Variants in RALGDS observed in about 807,000 individuals in gnomAD.
RALGDS encodes ral guanine nucleotide dissociation stimulator, also known as ral guanine nucleotide exchange factor.
RALGDS carries 44 observed loss-of-function variants against 99.8 expected under a neutral mutation model. That is an observed-to-expected ratio of 0.44 (90% confidence interval 0.35 to 0.57). The LOEUF is 0.57. Ranked by LOEUF, RALGDS falls within the 20% of genes least tolerant of loss-of-function variation. RALGDS has a pLI of 0.01. For synonymous variants in RALGDS, 529 were observed against 505.0 expected (o/e 1.05, Z -0.64); for missense variants, 1,022 against 1,203.1 (o/e 0.85, Z 2.23).
rs1353733632 is a variant in RALGDS, at chr9:133,121,207, G to GGCGCGGCCC, written c.-62_-54dup. 3.2e-5 allele frequency: 32 copies of GGCGCGGCCC among 986,562 alleles called. No homozygotes were observed. In the South Asian group the frequency reaches 3.7e-4, roughly 11 times the overall value. 61.1% of individuals were successfully genotyped at this position (986,562 alleles called of 1,614,324 possible). On this transcript the variant is annotated 5_prime_UTR_variant, in exon 1 of 18. Coordinates refer to ENST00000372050, the MANE Select transcript of RALGDS (RefSeq NM_006266.4). ...CGGCCCGGCGCGCGGCGGGGGCGGC[G>GGCGCGGCCC]GCGCGGCCCGCGCGGCTGGGCTTTG...
chr9:133,113,645 C>T (rs1354924366), intron 1 of RALGDS, among the ~76,000 whole-genome samples: 1 of 152,220 alleles, frequency 6.6e-6, no homozygotes, highest in Non-Finnish European at 1.5e-5. Context: ...CTGACTCACA[C>T]ATCTCTCCCC....
intron 1 of RALGDS, among the ~76,000 whole-genome samples, chr9:133,130,276 C>T (rs916341505): frequency 2.6e-5 from 4 of 152,134 alleles, no homozygotes; most frequent in Admixed American, 2.6e-4. Flanking sequence ...AGCCACTTGG[C>T]TAATTTTTTT....
intron 1 of RALGDS, among the ~76,000 whole-genome samples, chr9:133,126,782 G>A (rs1175910204): frequency 6.6e-6 from 1 of 152,254 alleles, no homozygotes; most frequent in African/African-American, 2.4e-5. Flanking sequence ...GAGGGACAGC[G>A]GGAGAGGGAG....
intron 1 of RALGDS, among the ~76,000 whole-genome samples, chr9:133,146,146 T>A (rs1363423479): frequency 6.6e-6 from 1 of 152,162 alleles, no homozygotes; most frequent in South Asian, 2.1e-4. Flanking sequence ...CATCTTCCAA[T>A]GGGAACACCT....
intron 1 of RALGDS, among the ~76,000 whole-genome samples, chr9:133,143,433 C>T (rs982121256): frequency 2.0e-5 from 3 of 152,156 alleles, no homozygotes; most frequent in African/African-American, 7.2e-5. Context: ...GGTGGGAGGG[C>T]CTTGTGCGGG....
intron 1 of RALGDS, among the ~76,000 whole-genome samples, chr9:133,127,875 C>A (rs749938139): frequency 2.0e-5 from 3 of 152,244 alleles, no homozygotes; most frequent in Non-Finnish European, 4.4e-5. Context: ...CGGGGCGCTG[C>A]CGTCCCAGCA....
At position 133,106,121 on chromosome 9, in the gene RALGDS, C is replaced by A. The variant is rs1172893516; in HGVS notation, c.1518-105G>T. 1.4e-5 allele frequency: 12 copies of A among 865,594 alleles called. No homozygotes were observed. The South Asian group carries it at 1.7e-4, about 12-fold the overall frequency. 53.6% of individuals were successfully genotyped at this position (865,594 alleles called of 1,614,324 possible). On this transcript the variant is annotated intron_variant, in intron 8 of 17. Coordinates refer to ENST00000372050, the MANE Select transcript of RALGDS (RefSeq NM_006266.4). The stretch of plus-strand genomic sequence containing the variant: ...GCTGAAAGACCCCAGACTGCCTGAA[C>A]GCAGCACACAGGGTACCCCAGAGCA...
chr9:133,131,018 G>C, exon 1 of RALGDS: 2 of 1,535,066 alleles, frequency 1.3e-6, no homozygotes, highest in Non-Finnish European at 1.7e-6. Context: ...AGGGCAGGGA[G>C]CAGAACAGCA....
At chr9:133,120,802 G>C (rs1046832991) in intron 1 of RALGDS, among the ~76,000 whole-genome samples, 170 bp downstream of exon 1, 1 of 151,462 alleles carries the variant, frequency 6.6e-6, no homozygotes, top group African/African-American at 2.4e-5. Flanking sequence ...TGCCCACCCT[G>C]CTGGCTGATT....
At chr9:133,127,631 C>T (rs923010678) in intron 1 of RALGDS, among the ~76,000 whole-genome samples, 3 of 152,218 alleles carry the variant, frequency 2.0e-5, no homozygotes, top group Non-Finnish European at 4.4e-5. Context: ...CTGGACCACG[C>T]GTGGGAACTC....
intron 4 of RALGDS, among the ~76,000 whole-genome samples, chr9:133,109,409 G>T (rs982194158): frequency 6.6e-6 from 1 of 152,172 alleles, no homozygotes; most frequent in African/African-American, 2.4e-5. Flanking sequence ...GCCGGGGGCT[G>T]CCCCGAGCCC....
chr9:133,116,600 G>A (rs1221594673), intron 1 of RALGDS, among the ~76,000 whole-genome samples: 1 of 152,266 alleles, frequency 6.6e-6, no homozygotes, highest in Non-Finnish European at 1.5e-5. Context: ...CGTGGCTGGT[G>A]GCAGCTGAGG....
chr9:133,124,653 TG>T (rs1832090635), upstream of RALGDS, among the ~76,000 whole-genome samples: 1 of 152,240 alleles, frequency 6.6e-6, no homozygotes, highest in Non-Finnish European at 1.5e-5. Context: ...TAAAGTTCCC[TG>T]CACAGGATGT....
At chr9:133,117,829 C>G (rs779611670) in intron 1 of RALGDS, among the ~76,000 whole-genome samples, 76 of 152,380 alleles carry the variant, frequency 5.0e-4, no homozygotes, top group Admixed American at 9.8e-4. Flanking sequence ...CTGGGTGCAG[C>G]TTCCTGAAAC....
exon 1 of RALGDS, chr9:133,149,015 C>T: frequency 1.3e-6 from 2 of 1,542,402 alleles, no homozygotes; most frequent in South Asian, 1.2e-5. Context: ...GGCCCCAGGG[C>T]GGGACCCGGG....
chr9:133,108,622 G>C, intron 5 of RALGDS, 51 bp downstream of exon 5: 1 of 1,602,564 alleles, frequency 6.2e-7, no homozygotes, highest in Middle Eastern at 2.2e-4. Context: ...GTGTGGCCCA[G>C]CACCGACCCC....
intron 16 of RALGDS, 104 bp downstream of exon 16, chr9:133,101,416 G>GC (rs1830749603): frequency 6.3e-7 from 1 of 1,589,054 alleles, no homozygotes; most frequent in African/African-American, 1.3e-5. Flanking sequence ...GTCCTTCCCC[G>GC]CCAACTACAA....
intron 17 of RALGDS, chr9:133,099,472 G>A (rs1830644137): frequency 7.1e-6 from 1 of 141,130 alleles, no homozygotes; most frequent in African/African-American, 2.5e-5. Context: ...TTACTGTCTG[G>A]GCTAATGGTG....
chr9:133,100,642 TAA>T (rs1830712810), intron 16 of RALGDS: 1 of 1,364,222 alleles, frequency 7.3e-7, no homozygotes, highest in Non-Finnish European at 9.5e-7. Context: ...GCTTCTCCTG[TAA>T]GAGACTGTTC....
Sources: gnomAD v4.1 joint callset for allele counts (sites outside exome capture counted in the v4.1 genomes callset) on GRCh38, gnomAD v4.1.1 for gene constraint, MANE v1.5 for transcripts, NCBI Gene and HGNC (gene_info 2026-07-23, HGNC 2026-07-21) for gene names.